The following NOL4 variants were observed in gnomAD, a reference collection of about 807,000 sequenced individuals.
NOL4 encodes the protein cancer/testis antigen 125.
Under a neutral mutation model 75.9 loss-of-function variants are expected in NOL4, and 17 were observed. The ratio of observed to expected loss-of-function variants is 0.22; its 90% CI spans 0.15 to 0.34. The LOEUF is 0.34. Ranked by LOEUF, NOL4 falls within the 10% of genes least tolerant of loss-of-function variation. The pLI is 1.00. For synonymous variants in NOL4, 292 were observed against 289.9 expected, an observed-to-expected ratio of 1.01 and a Z score of -0.07; for missense variants, 614 against 793.5, an observed-to-expected ratio of 0.77 and a Z score of 2.72.
intron 4 of NOL4, among the ~76,000 whole-genome samples, chr18:34,097,481 A>T (rs538362982): frequency 2.6e-5 from 4 of 152,310 alleles, no homozygotes; most frequent in African/African-American, 9.6e-5. Flanking sequence ...AATGCTGGCT[A>T]TCTGCCCAGT....
chr18:34,113,518 C>G (rs537475150), intron 2 of NOL4, among the ~76,000 whole-genome samples: 1 of 152,064 alleles, frequency 6.6e-6, no homozygotes, highest in East Asian at 1.9e-4. Flanking sequence ...TGCCTGTAGT[C>G]TCAGCTGGTC....
intron 5 of NOL4, among the ~76,000 whole-genome samples, chr18:34,089,397 C>CTAAT (rs2078399334): frequency 6.6e-6 from 1 of 152,136 alleles, no homozygotes; most frequent in South Asian, 2.1e-4. Flanking sequence ...CAGACACATT[C>CTAAT]AACCAATGGC....
chr18:34,070,946 A>G (rs1334537400), intron 5 of NOL4, among the ~76,000 whole-genome samples: 1 of 152,162 alleles, frequency 6.6e-6, no homozygotes, highest in Non-Finnish European at 1.5e-5. Context: ...GGAAATATAT[A>G]ATTTTAAAAT....
intron 6 of NOL4, among the ~76,000 whole-genome samples, chr18:34,013,547 T>C (rs987015613): frequency 6.6e-6 from 1 of 151,946 alleles, no homozygotes; most frequent in Non-Finnish European, 1.5e-5. Flanking sequence ...TCTCCAGACT[T>C]AAATCATCAT....
intron 5 of NOL4, among the ~76,000 whole-genome samples, chr18:34,074,999 G>A (rs1316492916): frequency 6.6e-6 from 1 of 152,034 alleles, no homozygotes; most frequent in Non-Finnish European, 1.5e-5. Context: ...AGAAATGGAT[G>A]GATTATTTTA....
intron 1 of NOL4, among the ~76,000 whole-genome samples, chr18:34,200,211 T>C (rs1158362891): frequency 6.6e-6 from 1 of 151,820 alleles, no homozygotes; most frequent in African/African-American, 2.4e-5. Context: ...TAGCAGTTTA[T>C]AAACTGGACC....
At position 34,163,146 on chromosome 18, in the gene NOL4, C is replaced by A. The variant is rs922946777; in HGVS notation, c.265-33126G>T. On this transcript the variant is annotated intron_variant, in intron 1 of 10. Transcript: ENST00000261592. ...CACAGCCAATATCATACTGAATAGG[C>A]AAAAGCTGGAAGCATTCCCTTTGAA... Among the ~76,000 whole-genome samples, 60 of 152,266 alleles carry A rather than the reference C, an allele frequency of 3.9e-4. 1 individual carries two copies. The highest frequency in any genetic ancestry group is 2.8e-4 in the Non-Finnish European group (19 of 68,036).
intron 1 of NOL4, among the ~76,000 whole-genome samples, chr18:34,163,235 G>A (rs1441644043): frequency 6.6e-6 from 1 of 152,012 alleles, no homozygotes; most frequent in Non-Finnish European, 1.5e-5. Context: ...TGGAAGTTCT[G>A]GCCAGGGCAA....
At chr18:34,053,661 A>G (rs2076717534) in intron 5 of NOL4, among the ~76,000 whole-genome samples, 2 of 151,990 alleles carry the variant, frequency 1.3e-5, no homozygotes, top group South Asian at 4.1e-4. Context: ...TTAAGAAAAT[A>G]ATGTTAGGAA....
chr18:34,166,833 C>T (rs2032411380), intron 1 of NOL4, among the ~76,000 whole-genome samples: 1 of 40,580 alleles, frequency 2.5e-5, no homozygotes, highest in South Asian at 5.1e-4. Flanking sequence ...GTCAGGAGAT[C>T]GAGACCATCC....
At chr18:33,887,060 T>C (rs1046596922) in intron 9 of NOL4, among the ~76,000 whole-genome samples, 1 of 140,360 alleles carries the variant, frequency 7.1e-6, no homozygotes, top group Non-Finnish European at 1.5e-5. Context: ...AATATATATC[T>C]ATATATAATA....
At chr18:33,913,301 C>T (rs1273452609) in intron 9 of NOL4, among the ~76,000 whole-genome samples, 3 of 152,078 alleles carry the variant, frequency 2.0e-5, no homozygotes, top group Non-Finnish European at 4.4e-5. Context: ...CATTATCTGT[C>T]TCATTAATTT....
At chr18:34,050,963 T>C (rs1342449664) in intron 5 of NOL4, among the ~76,000 whole-genome samples, 1 of 152,088 alleles carries the variant, frequency 6.6e-6, no homozygotes, top group African/African-American at 2.4e-5. Flanking sequence ...GGCTAGACAC[T>C]GAACACAGAC....
chr18:34,033,658 T>C (rs2075750191), intron 5 of NOL4, among the ~76,000 whole-genome samples: 1 of 152,052 alleles, frequency 6.6e-6, no homozygotes, highest in Non-Finnish European at 1.5e-5. Flanking sequence ...AACTCCCCAA[T>C]TTAGGAAGAA....
chr18:34,222,944 C>T, intron 1 of NOL4, 46 bp downstream of exon 1: 1 of 1,590,180 alleles, frequency 6.3e-7, no homozygotes, highest in Non-Finnish European at 8.5e-7. Context: ...CCCTCCCCGC[C>T]GGGCTGCTCC....
chr18:34,065,955 A>G (rs1274688278), intron 5 of NOL4, among the ~76,000 whole-genome samples: 1 of 152,006 alleles, frequency 6.6e-6, no homozygotes, highest in Non-Finnish European at 1.5e-5. Context: ...TAAATGGCAT[A>G]TAGTTATTAT....
intron 8 of NOL4, among the ~76,000 whole-genome samples, chr18:33,956,279 T>C (rs1035618365): frequency 4.6e-5 from 7 of 152,182 alleles, no homozygotes; most frequent in Non-Finnish European, 1.0e-4. Flanking sequence ...TCATTGGGTT[T>C]CTAAAATCTA....
intron 1 of NOL4, among the ~76,000 whole-genome samples, chr18:34,132,284 T>G (rs2080688179): frequency 6.6e-6 from 1 of 152,184 alleles, no homozygotes; most frequent in Non-Finnish European, 1.5e-5. Context: ...AACAAGATAA[T>G]GTTTACAAGT....
chr18:33,989,031 C>CA (rs911480181), intron 6 of NOL4, among the ~76,000 whole-genome samples: 3 of 150,988 alleles, frequency 2.0e-5, no homozygotes, highest in Non-Finnish European at 3.0e-5. Flanking sequence ...CCCATTTCTA[C>CA]AAAAAATTAG....
Sources: gnomAD v4.1 joint callset for allele counts (sites outside exome capture counted in the v4.1 genomes callset) on GRCh38, gnomAD v4.1.1 for gene constraint, MANE v1.5 for transcripts, NCBI Gene and HGNC (gene_info 2026-07-23, HGNC 2026-07-21) for gene names.